WDPCP: variants seen among roughly 807,000 people sequenced by gnomAD.
WDPCP encodes the protein WD repeat containing planar cell polarity effector.
Under a neutral mutation model 93.1 loss-of-function variants are expected in WDPCP, and 71 were observed. The observed-to-expected ratio is 0.76, with a 90% confidence interval of 0.63 to 0.93. The LOEUF (loss-of-function observed/expected upper bound fraction) is 0.93, where lower values mean the gene tolerates loss of function less well. WDPCP is among the 40% of genes least tolerant of loss of function. WDPCP has a pLI of 0.00. For missense variants in WDPCP, 844 were observed against 887.4 expected (o/e 0.95, Z 0.62); for synonymous variants, 315 against 315.0 (o/e 1.00, Z 0.00).
chr2:63,619,244 G>C (rs943878770), intron 3 of WDPCP, among the ~76,000 whole-genome samples: 1 of 152,156 alleles, frequency 6.6e-6, no homozygotes. Context: ...TCAGTATGTT[G>C]GGTCATGGGT....
chr2:63,721,753 C>T (rs1195062895), intron 2 of WDPCP, among the ~76,000 whole-genome samples: 7 of 141,144 alleles, frequency 5.0e-5, no homozygotes, highest in Non-Finnish European at 9.4e-5. Flanking sequence ...CACGGTCTCC[C>T]TCTCCCTCTC....
At chr2:63,300,053 A>G (rs1240213478) in intron 13 of WDPCP, among the ~76,000 whole-genome samples, 3 of 152,146 alleles carry the variant, frequency 2.0e-5, no homozygotes, top group East Asian at 3.9e-4. Flanking sequence ...TGTAAACATC[A>G]TACCTGATGG....
chr2:63,574,040 G>A (rs1305487496), intron 1 of WDPCP, among the ~76,000 whole-genome samples: 4 of 152,130 alleles, frequency 2.6e-5, no homozygotes, highest in Admixed American at 6.5e-5. Context: ...TGTTATCAAT[G>A]ACAATGTGTG....
intron 2 of WDPCP, among the ~76,000 whole-genome samples, chr2:63,808,715 G>C (rs1469293139): frequency 6.6e-6 from 1 of 152,188 alleles, no homozygotes; most frequent in Non-Finnish European, 1.5e-5. Flanking sequence ...CCAGCCGCCT[G>C]CCTTGGCCTC....
intron 2 of WDPCP, among the ~76,000 whole-genome samples, chr2:63,771,695 T>C (rs1670228726): frequency 6.6e-6 from 1 of 151,978 alleles, no homozygotes; most frequent in Admixed American, 6.6e-5. Flanking sequence ...CCTTGCCCCC[T>C]CACTCTCCCT....
intron 9 of WDPCP, among the ~76,000 whole-genome samples, chr2:63,412,938 C>A (rs1235952870): frequency 6.6e-6 from 1 of 152,150 alleles, no homozygotes; most frequent in Non-Finnish European, 1.5e-5. Flanking sequence ...GTGAAAATGA[C>A]CATACTGCCA....
intron 3 of WDPCP, among the ~76,000 whole-genome samples, chr2:63,637,487 G>T (rs921715339): frequency 5.0e-5 from 7 of 140,864 alleles, no homozygotes; most frequent in African/African-American, 1.8e-4. Flanking sequence ...GCAACCTACA[G>T]AATGGGAGAA....
intron 13 of WDPCP, among the ~76,000 whole-genome samples, chr2:63,278,862 T>G (rs1407277315): frequency 3.3e-5 from 5 of 152,172 alleles, no homozygotes; most frequent in Non-Finnish European, 5.9e-5. Flanking sequence ...TATGAACACC[T>G]TTTTGTGTGT....
chr2:63,352,376 G>T (rs1214187135), intron 12 of WDPCP, among the ~76,000 whole-genome samples: 1 of 151,970 alleles, frequency 6.6e-6, no homozygotes, highest in Non-Finnish European at 1.5e-5. Flanking sequence ...TATCTAAAAG[G>T]CAAGAATGAT....
At position 63,121,870 on chromosome 2, in the gene WDPCP, C is replaced by T; in HGVS notation, c.*136G>A. 6.8e-7 allele frequency: 1 copy of T among 1,461,554 alleles called. No homozygotes were observed. The allele number at this position is 1,461,554 out of a possible 1,614,324, so 90.5% of individuals were successfully genotyped here. ...TAAAACTTTATTTTGAAAACAAACA[C>T]TCAACTCAAAACTCTTAACTAATTT... On this transcript the variant is annotated 3_prime_UTR_variant, in exon 18 of 18. Coordinates refer to ENST00000272321, the MANE Select transcript of WDPCP (RefSeq NM_015910.7).
chr2:63,552,830 A>T (rs1705782820), intron 1 of WDPCP, among the ~76,000 whole-genome samples: 1 of 152,244 alleles, frequency 6.6e-6, no homozygotes, highest in Non-Finnish European at 1.5e-5. Context: ...GATGAGTAGC[A>T]AACTTTTAGA....
At chr2:63,502,173 T>A (rs558988540) in intron 1 of WDPCP, among the ~76,000 whole-genome samples, 1 of 152,288 alleles carries the variant, frequency 6.6e-6, no homozygotes, top group South Asian at 2.1e-4. Context: ...TTACTATATA[T>A]ACAACTTGCT....
At chr2:63,642,066 C>A (rs1236919465) in intron 3 of WDPCP, among the ~76,000 whole-genome samples, 1 of 152,050 alleles carries the variant, frequency 6.6e-6, no homozygotes, top group African/African-American at 2.4e-5. Context: ...AATATATGTT[C>A]TTGGCACCTT....
chr2:63,797,624 A>T (rs1238870806), intron 2 of WDPCP, among the ~76,000 whole-genome samples: 1 of 152,154 alleles, frequency 6.6e-6, no homozygotes, highest in Admixed American at 6.5e-5. Flanking sequence ...AAAAAAGAAA[A>T]GAAAATATAT....
intron 9 of WDPCP, among the ~76,000 whole-genome samples, chr2:63,413,779 G>C (rs1695199530): frequency 6.8e-6 from 1 of 146,758 alleles, no homozygotes; most frequent in African/African-American, 2.5e-5. Context: ...GTGAGACTCT[G>C]TCTCAAAAAA....
chr2:63,391,577 T>C (rs1693252591), intron 10 of WDPCP, among the ~76,000 whole-genome samples: 1 of 152,090 alleles, frequency 6.6e-6, no homozygotes, highest in Non-Finnish European at 1.5e-5. Context: ...GGTATTCCAT[T>C]AGGAAAAGAG....
intron 15 of WDPCP, among the ~76,000 whole-genome samples, chr2:63,165,616 T>C (rs1303454177): frequency 6.6e-6 from 1 of 151,640 alleles, no homozygotes; most frequent in Non-Finnish European, 1.5e-5. Context: ...ATCTTGTCTA[T>C]TTCTTTTATG....
intron 14 of WDPCP, among the ~76,000 whole-genome samples, chr2:63,245,828 G>A (rs181884032): frequency 2.8e-4 from 42 of 152,188 alleles, no homozygotes; most frequent in African/African-American, 1.2e-4. Flanking sequence ...TGTGATGTTC[G>A]ATATAGGGAT....
intron 2 of WDPCP, among the ~76,000 whole-genome samples, chr2:63,754,357 C>T (rs1444695881): frequency 6.6e-6 from 1 of 152,198 alleles, no homozygotes; most frequent in Admixed American, 6.5e-5. Flanking sequence ...TGATAGTAAA[C>T]ATAGAGTCCT....
Sources: gnomAD v4.1 joint callset for allele counts (sites outside exome capture counted in the v4.1 genomes callset) on GRCh38, gnomAD v4.1.1 for gene constraint, MANE v1.5 for transcripts, NCBI Gene and HGNC (gene_info 2026-07-23, HGNC 2026-07-21) for gene names.